Variants in PHF21B observed in about 807,000 individuals in gnomAD.
PHF21B encodes PHD finger protein 21B.
PHF21B carries 22 observed loss-of-function variants against 62.2 expected under a neutral mutation model. That is an observed-to-expected ratio of 0.35 (90% CI 0.25 to 0.51). The LOEUF is 0.51. Ranked by LOEUF, PHF21B falls within the 20% of genes least tolerant of loss-of-function variation. PHF21B has a pLI of 0.97. For synonymous variants in PHF21B, 341 were observed against 314.7 expected, an observed-to-expected ratio of 1.08 and a Z score of -0.88; for missense variants, 701 against 707.9, an observed-to-expected ratio of 0.99 and a Z score of 0.11.
In PHF21B at chr22:44,927,704, T is replaced by C. The variant is rs527291317; in HGVS notation, c.121-7214A>G. 5.3e-5 allele frequency among the ~76,000 whole-genome samples: 8 copies of C among 152,284 alleles called. No homozygotes were observed. The East Asian group carries it at 1.2e-3, about 22-fold the overall frequency. ...CTTCCACTTCCCTACAAACCTTTAA[T>C]TAGCGAGCTGAAAGCCATTTTTTTC... On this transcript the variant is annotated intron_variant, in intron 2 of 12. Coordinates refer to ENST00000313237, the MANE Select transcript of PHF21B (RefSeq NM_138415.5).
intron 2 of PHF21B, among the ~76,000 whole-genome samples, chr22:44,969,388 G>A (rs975612916): frequency 6.6e-6 from 1 of 152,234 alleles, no homozygotes; most frequent in Admixed American, 6.5e-5. Context: ...GGAGCCGGCC[G>A]GGCACGGTGG....
chr22:44,960,765 G>A (rs1004768632), intron 2 of PHF21B, among the ~76,000 whole-genome samples: 6 of 152,154 alleles, frequency 3.9e-5, no homozygotes, highest in Non-Finnish European at 8.8e-5. Context: ...GAGAAGTCCT[G>A]CTGTCTGCCT....
At chr22:44,975,353 C>G (rs1442513203) in intron 2 of PHF21B, among the ~76,000 whole-genome samples, 5 of 152,066 alleles carry the variant, frequency 3.3e-5, no homozygotes, top group Admixed American at 1.3e-4. Flanking sequence ...GAGCAGGAAG[C>G]GCCTTTGGGT....
Position 44,891,298 on chromosome 22 carries a change from G to C in PHF21B, c.1015+8C>G. The C allele has an allele frequency of 1.9e-6, 3 of 1,613,804 alleles. No individual in the cohort carries two copies. The highest frequency in any genetic ancestry group is 2.5e-6 in the Non-Finnish European group (3 of 1,179,966). ...AGCTCTGGCAGAAGGCCTGAAGCCG[G>C]TGCTTACCTCTCGCTGTGAGGAACA... On this transcript the variant is annotated splice_region_variant and intron_variant, in intron 8 of 12. Transcript: ENST00000313237.
At position 44,911,088 on chromosome 22, in the gene PHF21B, T is replaced by C. The variant is rs151177705; in HGVS notation, c.831+2734A>G. Among the ~76,000 whole-genome samples, 253 of 152,316 alleles carry C rather than the reference T, an allele frequency of 1.7e-3. 1 individual carries two copies. The highest frequency in any genetic ancestry group is 5.8e-3 in the African/African-American group (240 of 41,570). On this transcript the variant is annotated intron_variant, in intron 5 of 12. Transcript: ENST00000313237. ...GGCATTTTGCCTCTGCTCTAGAGAC[T>C]TGTGGAACTTTGAACTTGAGAGAGA...
At chr22:44,988,834 C>T (rs1014039363) in intron 2 of PHF21B, among the ~76,000 whole-genome samples, 13 of 152,188 alleles carry the variant, frequency 8.5e-5, no homozygotes, top group Admixed American at 7.9e-4. Context: ...GAGTCTACTG[C>T]TCACAGTTCT....
chr22:45,003,930 A>G (rs1228217977), intron 2 of PHF21B, among the ~76,000 whole-genome samples: 1 of 152,238 alleles, frequency 6.6e-6, no homozygotes, highest in African/African-American at 2.4e-5. Flanking sequence ...GAATCATACT[A>G]TATACATAGC....
intron 4 of PHF21B, among the ~76,000 whole-genome samples, chr22:44,915,896 C>T (rs896763499): frequency 1.3e-5 from 2 of 152,200 alleles, no homozygotes; most frequent in African/African-American, 4.8e-5. Context: ...TCCAACTCCA[C>T]CAGCAGAAAC....
intron 2 of PHF21B, among the ~76,000 whole-genome samples, chr22:45,003,895 T>C (rs747829548): frequency 1.3e-5 from 2 of 152,236 alleles, no homozygotes; most frequent in Non-Finnish European, 2.9e-5. Flanking sequence ...CAAAAAGATG[T>C]AAATATATCT....
At chr22:44,884,086 C>T (rs1196081586) in intron 12 of PHF21B, among the ~76,000 whole-genome samples, 3 of 145,728 alleles carry the variant, frequency 2.1e-5, no homozygotes, top group Non-Finnish European at 3.0e-5. Context: ...ATTATCACCA[C>T]CGCCACCACC....
intron 6 of PHF21B, among the ~76,000 whole-genome samples, chr22:44,895,570 G>A (rs892064464): frequency 6.6e-6 from 1 of 152,154 alleles, no homozygotes; most frequent in Non-Finnish European, 1.5e-5. Context: ...AGGACAGTTC[G>A]GCCATTACCC....
intron 2 of PHF21B, chr22:45,008,074 C>T (rs2073358651): frequency 6.6e-6 from 1 of 152,358 alleles, no homozygotes; most frequent in African/African-American, 2.4e-5. Flanking sequence ...AAAAGTGAAG[C>T]TAGGGAAGTG....
At chr22:44,944,101 C>T (rs1280768950) in intron 2 of PHF21B, among the ~76,000 whole-genome samples, 6 of 152,204 alleles carry the variant, frequency 3.9e-5, no homozygotes, top group Non-Finnish European at 2.9e-5. Context: ...CCCCGCAAGC[C>T]TCAGTTTCTC....
chr22:44,945,716 TG>T (rs1010543910), intron 2 of PHF21B, among the ~76,000 whole-genome samples: 17 of 17,398 alleles, frequency 9.8e-4, no homozygotes, highest in South Asian at 4.6e-3. Flanking sequence ...TTGGCAGAAT[TG>T]GGGGGGGGGT....
intron 2 of PHF21B, among the ~76,000 whole-genome samples, chr22:44,996,771 C>T (rs578178512): frequency 3.3e-5 from 5 of 152,236 alleles, no homozygotes; most frequent in South Asian, 4.1e-4. Flanking sequence ...GATCCACACA[C>T]GTGCATGCAC....
In PHF21B at chr22:44,882,982, G is replaced by A; in HGVS notation, c.*104C>T. ...CCTCTCCTCTGTCTGGTTAATTTTT[G>A]TCTGAAATTCATAGTGTTTATGAAT... On this transcript the variant is annotated 3_prime_UTR_variant, in exon 13 of 13. Coordinates refer to ENST00000313237, the MANE Select transcript of PHF21B (RefSeq NM_138415.5). 7.6e-7 allele frequency: 1 copy of A among 1,313,110 alleles called. No homozygotes were observed. The highest frequency in any genetic ancestry group is 1.0e-6 in the Non-Finnish European group (1 of 965,844). The allele number at this position is 1,313,110 out of a possible 1,614,324, so 81.3% of individuals were successfully genotyped here. A position where few individuals can be genotyped will look rare whatever the true frequency, so the allele number is the denominator to read the frequency against.
chr22:44,919,361 T>A (rs1284333670), intron 3 of PHF21B, among the ~76,000 whole-genome samples: 1 of 151,866 alleles, frequency 6.6e-6, no homozygotes, highest in Non-Finnish European at 1.5e-5. Flanking sequence ...AGTACGAGAG[T>A]TTTTTGCCAT....
intron 2 of PHF21B, among the ~76,000 whole-genome samples, chr22:44,949,301 C>CAAAAAAAA (rs1173438062): frequency 2.6e-3 from 111 of 42,140 alleles, no homozygotes; most frequent in Non-Finnish European, 3.4e-3. Flanking sequence ...AACTCCATCT[C>CAAAAAAAA]AAAAAAAAGA....
chr22:44,942,349 T>C (rs115151507), intron 2 of PHF21B, among the ~76,000 whole-genome samples: 1 of 152,090 alleles, frequency 6.6e-6, no homozygotes, highest in Non-Finnish European at 1.5e-5. Context: ...GGGCACCCTC[T>C]GCCCGAGGAC....
Sources: gnomAD v4.1 joint callset for allele counts (sites outside exome capture counted in the v4.1 genomes callset) on GRCh38, gnomAD v4.1.1 for gene constraint, MANE v1.5 for transcripts, NCBI Gene and HGNC (gene_info 2026-07-23, HGNC 2026-07-21) for gene names.